NAMPT: variants seen among roughly 807,000 people sequenced by gnomAD.
NAMPT encodes NAmPRTase.
Under a neutral mutation model 58.7 loss-of-function variants are expected in NAMPT, and 7 were observed. The observed-to-expected ratio is 0.12, with a 90% CI of 0.07 to 0.22. The LOEUF (loss-of-function observed/expected upper bound fraction) is 0.22. Among genes scored for constraint, NAMPT ranks in the 10% least tolerant of loss-of-function variants. The probability of loss-of-function intolerance (pLI) is 1.00; values close to 1 mark genes in which losing one functional copy is unlikely to be tolerated. For synonymous variants in NAMPT, 145 were observed against 198.1 expected, an observed-to-expected ratio of 0.73 and a Z score of 2.25; for missense variants, 271 against 567.9, an observed-to-expected ratio of 0.48 and a Z score of 5.31.
upstream of NAMPT, chr7:106,285,230 A>AGCG: frequency 1.0e-6 from 1 of 993,846 alleles, no homozygotes; most frequent in Non-Finnish European, 1.2e-6. Flanking sequence ...GGGGAGGAGG[A>AGCG]CGTGATGCAC....
chr7:106,254,270 C>T (rs2115724532), intron 9 of NAMPT, 94 bp downstream of exon 9: 2 of 1,398,170 alleles, frequency 1.4e-6, no homozygotes, highest in South Asian at 1.2e-5. Flanking sequence ...CAGTCCACGG[C>T]CACATCAATC....
intron 3 of NAMPT, among the ~76,000 whole-genome samples, chr7:106,274,414 G>C (rs938471602): frequency 6.6e-6 from 1 of 151,962 alleles, no homozygotes; most frequent in African/African-American, 2.4e-5. Flanking sequence ...TGGGGGATGC[G>C]GGGAGAGGGA....
chr7:106,285,164 G>C, upstream of NAMPT: 2 of 1,248,104 alleles, frequency 1.6e-6, no homozygotes, highest in Non-Finnish European at 2.0e-6. Flanking sequence ...TCACCCTCCG[G>C]GGGCCGAGAA....
At chr7:106,260,440 ATGT>A (rs1249675885) in intron 8 of NAMPT, among the ~76,000 whole-genome samples, 3 of 152,252 alleles carry the variant, frequency 2.0e-5, no homozygotes, top group African/African-American at 2.4e-5. Context: ...GCCTAAGGAA[ATGT>A]TGTGGTTGCT....
chr7:106,277,304 C>G (rs570570230), intron 1 of NAMPT, 125 bp from the exon 2 acceptor site: 3 of 755,656 alleles, frequency 4.0e-6, no homozygotes, highest in East Asian at 2.7e-5. Context: ...TAACCAGTTT[C>G]TTTTCCTGGC....
At chr7:106,256,270 A>AAATAAGCAGTTTC (rs1361486073) in intron 8 of NAMPT, among the ~76,000 whole-genome samples, 1 of 152,220 alleles carries the variant, frequency 6.6e-6, no homozygotes, top group Non-Finnish European at 1.5e-5. Flanking sequence ...TTATTTTCCT[A>AAATAAGCAGTTTC]AATAAGCAGT....
intron 7 of NAMPT, 22 bp downstream of exon 7, chr7:106,263,369 TA>T (rs1562814475): frequency 1.3e-6 from 2 of 1,523,360 alleles, no homozygotes; most frequent in Non-Finnish European, 1.8e-6. Context: ...ATTCTAATAA[TA>T]AAGTTACATA....
intron 8 of NAMPT, among the ~76,000 whole-genome samples, chr7:106,258,407 A>G (rs961590677): frequency 6.6e-6 from 1 of 152,226 alleles, no homozygotes; most frequent in Non-Finnish European, 1.5e-5. Flanking sequence ...ATAGCTGTAG[A>G]TACCATCTGA....
chr7:106,266,066 C>G (rs1353519525), intron 6 of NAMPT, among the ~76,000 whole-genome samples: 2 of 152,152 alleles, frequency 1.3e-5, no homozygotes, highest in South Asian at 2.1e-4. Flanking sequence ...AAATGAAGAA[C>G]AGAGAGATAA....
intron 5 of NAMPT, among the ~76,000 whole-genome samples, chr7:106,268,853 A>C (rs941896780): frequency 6.6e-6 from 1 of 151,278 alleles, no homozygotes; most frequent in Middle Eastern, 3.4e-3. Context: ...ACTTTTCATC[A>C]CTCTCTCTTC....
intron 1 of NAMPT, 163 bp downstream of exon 1, chr7:106,284,665 T>C (rs1435626614): frequency 1.2e-6 from 1 of 819,156 alleles, no homozygotes; most frequent in Non-Finnish European, 1.5e-6. Flanking sequence ...CCTCCTCACC[T>C]GCCCCAGCCG....
chr7:106,285,271 A>T, upstream of NAMPT: 1 of 798,230 alleles, frequency 1.3e-6, no homozygotes, highest in Non-Finnish European at 1.6e-6. Context: ...CAGCTCTGGG[A>T]AGCTGGAGGC....
At chr7:106,274,436 CCTTAA>C (rs1792594880) in intron 3 of NAMPT, among the ~76,000 whole-genome samples, 1 of 151,984 alleles carries the variant, frequency 6.6e-6, no homozygotes, top group African/African-American at 2.4e-5. Context: ...AAAATGTCAA[CCTTAA>C]CTTTTCAAAA....
Position 106,254,609 on chromosome 7 carries a change from T to C in NAMPT, c.1090-105A>G. On this transcript the variant is annotated intron_variant, in intron 8 of 10. Coordinates refer to ENST00000222553, the MANE Select transcript of NAMPT (RefSeq NM_005746.3). ...GATGAATGAAGCATCCAAGACTGTT[T>C]TATAACACGGTCAATAAATAATTAT... 6.4e-6 allele frequency: 8 copies of C among 1,250,538 alleles called. No homozygotes were observed. In the Middle Eastern group the frequency reaches 1.5e-3, roughly 240 times the overall value. 77.5% of individuals were successfully genotyped at this position (1,250,538 alleles called of 1,614,324 possible). A position where few individuals can be genotyped will look rare whatever the true frequency, so the allele number is the denominator to read the frequency against.
upstream of NAMPT, chr7:106,284,997 A>T: frequency 1.4e-6 from 2 of 1,415,360 alleles, no homozygotes; most frequent in Non-Finnish European, 1.9e-6. Context: ...CGGTCGGCGG[A>T]GGAGGGGGAG....
At position 106,284,960 on chromosome 7, in the gene NAMPT, C is replaced by G. The variant is rs537191253; in HGVS notation, c.-76G>C. On this transcript the variant is annotated 5_prime_UTR_variant, in exon 1 of 11. Transcript: ENST00000222553. ...CGAGGAAGGAGAAAAATGAGCTTCACCGCGCTCCGTTGCTTAAGTCACTGC... is the reference window on the plus strand; with the variant it reads ...CGAGGAAGGAGAAAAATGAGCTTCAGCGCGCTCCGTTGCTTAAGTCACTGC... 3 of 1,538,678 alleles carry G rather than the reference C, an allele frequency of 1.9e-6. No individual in the cohort carries two copies. The highest frequency in any genetic ancestry group is 1.8e-6 in the Non-Finnish European group (2 of 1,137,640).
intron 7 of NAMPT, among the ~76,000 whole-genome samples, chr7:106,262,227 CT>C (rs1452353681): frequency 1.3e-5 from 2 of 152,046 alleles, no homozygotes; most frequent in African/African-American, 2.4e-5. Context: ...CTCCTTTGCT[CT>C]TAAAGCCAAA....
chr7:106,278,818 C>T (rs1364788264), intron 1 of NAMPT, among the ~76,000 whole-genome samples: 1 of 152,174 alleles, frequency 6.6e-6, no homozygotes, highest in Non-Finnish European at 1.5e-5. Flanking sequence ...AGAAGAAAAG[C>T]ACACACGATG....
intron 6 of NAMPT, among the ~76,000 whole-genome samples, chr7:106,265,420 T>C (rs368979342): frequency 5.3e-4 from 81 of 152,230 alleles, no homozygotes; most frequent in African/African-American, 1.8e-3. Context: ...TCACCTTTTT[T>C]CCCCTATTTC....
Sources: allele counts gnomAD v4.1 joint callset (sites outside exome capture counted in the v4.1 genomes callset), GRCh38; gene constraint gnomAD v4.1.1; transcripts MANE v1.5; gene names NCBI Gene and HGNC (gene_info 2026-07-23, HGNC 2026-07-21).